Variants in CABIN1 observed in about 807,000 individuals in gnomAD.
CABIN1 encodes the protein calcineurin-binding protein cabin-1.
A neutral mutation model predicts 227.7 loss-of-function variants in CABIN1; 133 were observed. The observed-to-expected ratio is 0.58, with a 90% CI of 0.51 to 0.67. The LOEUF (loss-of-function observed/expected upper bound fraction) is 0.67. CABIN1 is among the 30% of genes least tolerant of loss of function. CABIN1 has a pLI of 0.00. For synonymous variants in CABIN1, 1,086 were observed against 1,155.1 expected (o/e 0.94, Z 1.21); for missense variants, 2,408 against 2,852.5 (o/e 0.84, Z 3.55).
Position 24,022,228 on chromosome 22 carries a change from A to G in CABIN1, c.-75+10861A>G, listed in dbSNP as rs182206098. Among the ~76,000 whole-genome samples the G allele has an allele frequency of 3.3e-5, 5 of 152,282 alleles. No individual in the cohort carries two copies. The East Asian group carries it at 9.6e-4, about 29-fold the overall frequency. On this transcript the variant is annotated intron_variant, in intron 1 of 36. Coordinates refer to ENST00000263119, the MANE Select transcript of CABIN1 (RefSeq NM_012295.4). ...TGTTACCACCACCATCATTACCACT[A>G]TCAGGATAAGGAACAGTCCATTGCT...
chr22:24,175,892 C>T, intron 34 of CABIN1: 1 of 640,072 alleles, frequency 1.6e-6, no homozygotes. Flanking sequence ...GAGGAGCCCT[C>T]TGGGGGTGGG....
intron 29 of CABIN1, among the ~76,000 whole-genome samples, chr22:24,161,156 A>G (rs558952368): frequency 5.9e-5 from 9 of 152,298 alleles, no homozygotes; most frequent in African/African-American, 1.9e-4. Flanking sequence ...CTGTGACCTC[A>G]TCTGCCAGTG....
chr22:24,087,411 T>C (rs762735233), intron 22 of CABIN1, 41 bp from the exon 23 acceptor site: 8 of 1,610,256 alleles, frequency 5.0e-6, no homozygotes, highest in East Asian at 2.2e-5. Context: ...ATGCTTTTCA[T>C]GTAGTGTTGT....
chr22:24,065,757 C>T (rs2039614810), intron 15 of CABIN1, among the ~76,000 whole-genome samples: 1 of 152,268 alleles, frequency 6.6e-6, no homozygotes, highest in Non-Finnish European at 1.5e-5. Context: ...ATCCCGGCAC[C>T]TCGGGAGGCC....
chr22:24,145,138 G>T (rs1452258540), intron 29 of CABIN1, among the ~76,000 whole-genome samples: 1 of 152,102 alleles, frequency 6.6e-6, no homozygotes, highest in Non-Finnish European at 1.5e-5. Context: ...CGCAGTGGTG[G>T]GTGGCCAGCT....
At chr22:24,134,131 A>C (rs759154863) in intron 28 of CABIN1, among the ~76,000 whole-genome samples, 171 bp from the exon 29 acceptor site, 1 of 152,166 alleles carries the variant, frequency 6.6e-6, no homozygotes, top group Non-Finnish European at 1.5e-5. Context: ...CCACAGCCTG[A>C]TGATCAAAGC....
chr22:24,113,605 C>CT lies in CABIN1; in HGVS notation c.4158dup (p.Ser1387Ter). On this transcript the variant is annotated frameshift_variant, in exon 27 of 37. Coordinates refer to ENST00000263119, the MANE Select transcript of CABIN1 (RefSeq NM_012295.4). LOFTEE classifies it high-confidence loss of function. ...AGCACAGCCGTAGCACTCTCAGACT[C>CT]TAGCTCAACGCAGGACTTCTTTAAT... is the stretch of plus-strand genomic sequence containing the variant. 1 of 1,614,198 alleles carries CT rather than the reference C, an allele frequency of 6.2e-7. No homozygotes were observed. The highest frequency in any genetic ancestry group is 8.5e-7 in the Non-Finnish European group (1 of 1,180,044).
chr22:24,042,958 G>T lies in CABIN1; in HGVS notation c.400G>T (p.Ala134Ser). The change falls in exon 6 of 37, where the codon GCC becomes TCC. Residue 134 changes from alanine (A) to serine (S), a missense_variant. Coordinates refer to ENST00000263119, the MANE Select transcript of CABIN1 (RefSeq NM_012295.4). ...CCTCTGGTATAAGATTGGACATGTG[G>T]CCCTGAGGCTCATCCGGATCCCCCT... ...VNLWYKIGHV[A>S]LRLIRIPLAR... 1.2e-6 allele frequency: 2 copies of T among 1,612,382 alleles called. No individual in the cohort carries two copies. The highest frequency in any genetic ancestry group is 1.7e-6 in the Non-Finnish European group (2 of 1,179,320).
chr22:24,100,369 A>C (rs1280888386), intron 26 of CABIN1, among the ~76,000 whole-genome samples: 10 of 152,234 alleles, frequency 6.6e-5, no homozygotes, highest in African/African-American at 2.4e-4. Flanking sequence ...TTAGAATGTT[A>C]AAGTGGCCCT....
intron 32 of CABIN1, 98 bp from the exon 33 acceptor site, chr22:24,168,349 C>G: frequency 1.6e-6 from 2 of 1,222,906 alleles, no homozygotes; most frequent in East Asian, 5.1e-5. Context: ...AGGGCATGCC[C>G]CCTACCTAGG....
At chr22:24,100,318 T>A (rs2042129805) in intron 26 of CABIN1, among the ~76,000 whole-genome samples, 1 of 152,230 alleles carries the variant, frequency 6.6e-6, no homozygotes, top group South Asian at 2.1e-4. Flanking sequence ...AAGCAGTGTC[T>A]GCAACATGAA....
Position 24,178,354 on chromosome 22 carries a change from T to A in CABIN1, c.*158T>A, listed in dbSNP as rs2047233462. 1 of 869,826 alleles carries A rather than the reference T, an allele frequency of 1.1e-6. No individual in the cohort carries two copies. Among genetic ancestry groups the A allele is most frequent in the South Asian group, 1.6e-5 (1 of 60,616 alleles). The allele number at this position is 869,826 out of a possible 1,614,324, so 53.9% of individuals were successfully genotyped here. A position where few individuals can be genotyped will look rare whatever the true frequency, so the allele number is the denominator to read the frequency against. ...CCACCTCCTCATGGCATCCTCCCTG[T>A]ACCCAGGTCAGGCTGTCCACACCAC... On this transcript the variant is annotated 3_prime_UTR_variant, in exon 37 of 37. Coordinates refer to ENST00000263119, the MANE Select transcript of CABIN1 (RefSeq NM_012295.4).
chr22:24,102,902 C>T (rs1169507313), intron 26 of CABIN1: 1 of 152,512 alleles, frequency 6.6e-6, no homozygotes, highest in African/African-American at 2.4e-5. Flanking sequence ...CCATTGTGGC[C>T]ATCCATCCTC....
rs1046749655 is a variant in CABIN1 at position 24,050,963 on chromosome 22, T to C, written c.795T>C (p.Ile265=). ...KEPDLKLVQP[I]PFFTWKCLGE... ...CGGACCTGAAACTTGTGCAGCCCAT[T>C]CCTTTCTTCACGTAGGTTGTCTAGC... The change falls in exon 8 of 37, where the codon ATT becomes ATC. Residue 265 remains isoleucine (I), a synonymous_variant. Transcript: ENST00000263119. The C allele has an allele frequency of 6.8e-6, 11 of 1,614,182 alleles. No homozygotes were observed. The highest frequency in any genetic ancestry group is 1.7e-4 in the Middle Eastern group (1 of 6,050).
intron 1 of CABIN1, among the ~76,000 whole-genome samples, chr22:24,033,789 A>G (rs2036669917): frequency 6.6e-6 from 1 of 152,184 alleles, no homozygotes; most frequent in Non-Finnish European, 1.5e-5. Context: ...AGTTTCCCCT[A>G]AAGTGTACAA....
rs1005579309 is a variant in CABIN1 at position 24,071,099 on chromosome 22, T to C, written c.2475+57T>C. The C allele has an allele frequency of 1.9e-6, 3 of 1,608,088 alleles. No individual in the cohort carries two copies. In the African/African-American group the frequency reaches 4.0e-5, roughly 21 times the overall value. On this transcript the variant is annotated intron_variant, in intron 17 of 36. Transcript: ENST00000263119. ...CCCCAGCAGGTATGTCTCTGTGACA[T>C]CCTGCTTCTTCAGTAGTTCATAGCT...
At position 24,035,309 on chromosome 22, in the gene CABIN1, C is replaced by T. The variant is rs1023642359; in HGVS notation, c.-74-135C>T. 64 of 641,532 alleles carry T rather than the reference C, an allele frequency of 1.0e-4. No individual in the cohort carries two copies. In the East Asian group the frequency reaches 1.6e-3, roughly 16 times the overall value. The allele number at this position is 641,532 out of a possible 1,614,324, so 39.7% of individuals were successfully genotyped here. On this transcript the variant is annotated intron_variant, in intron 1 of 36. Transcript: ENST00000263119. ...GAGCTCCTTGTGTGTTAGACCACAC[C>T]GCTGTCCCAAGGCAGCTCTTCACTG... is the stretch of plus-strand genomic sequence containing the variant.
rs556031612 is a variant in CABIN1 at position 24,147,437 on chromosome 22, TTTTC to T, written c.4746+13038_4746+13041del. 4.1e-3 allele frequency among the ~76,000 whole-genome samples: 606 copies of T among 149,530 alleles called. 3 individuals are homozygous for T. Among genetic ancestry groups the T allele is most frequent in the African/African-American group, 7.0e-3 (284 of 40,722 alleles). The stretch of plus-strand genomic sequence containing the variant: ...CTCTCCTTCCCTCCTCTTTCTTTTC[TTTTC>T]TTTCTTTCTTTCTTTTTTTTTTGAG... On this transcript the variant is annotated intron_variant, in intron 29 of 36. Coordinates refer to ENST00000263119, the MANE Select transcript of CABIN1 (RefSeq NM_012295.4).
Position 24,134,264 on chromosome 22 carries a change from C to G in CABIN1, c.4633-38C>G, listed in dbSNP as rs558666331. On this transcript the variant is annotated intron_variant, in intron 28 of 36. Transcript: ENST00000263119. ...CTTCCCTGTGGGCGCCCTGAGCAGC[C>G]CACACACTCACTTTCAACCTACTTC... is the stretch of plus-strand genomic sequence containing the variant. The G allele has an allele frequency of 2.7e-4, 422 of 1,539,362 alleles. 7 individuals carry two copies. The South Asian group carries it at 4.5e-3, about 16-fold the overall frequency.
Sources: allele counts gnomAD v4.1 joint callset (sites outside exome capture counted in the v4.1 genomes callset), GRCh38; gene constraint gnomAD v4.1.1; transcripts MANE v1.5; gene names NCBI Gene and HGNC (gene_info 2026-07-23, HGNC 2026-07-21).